Variants in FAM193A observed in about 807,000 individuals in gnomAD.
FAM193A encodes protein FAM193A.
In FAM193A, 22 loss-of-function variants were observed where a neutral mutation model predicts 126.5. The observed-to-expected ratio is 0.17, with a 90% confidence interval of 0.12 to 0.25. The LOEUF is 0.25. Among genes scored for constraint, FAM193A ranks in the 10% least tolerant of loss-of-function variants. The pLI is 1.00. For missense variants in FAM193A, 1,675 were observed against 1,672.8 expected, an observed-to-expected ratio of 1.00 and a Z score of -0.02; for synonymous variants, 761 against 646.8, an observed-to-expected ratio of 1.18 and a Z score of -2.68.
intron 20 of FAM193A, among the ~76,000 whole-genome samples, chr4:2,728,915 T>TC (rs1721065979): frequency 6.9e-6 from 1 of 145,620 alleles, no homozygotes; most frequent in South Asian, 2.2e-4. Context: ...TTTTTTTTTT[T>TC]TTTTTTTGGT....
chr4:2,710,168 T>TG (rs1718766821), intron 19 of FAM193A, among the ~76,000 whole-genome samples: 2 of 125,188 alleles, frequency 1.6e-5, no homozygotes, highest in South Asian at 2.3e-4. Flanking sequence ...TTTGTTTTTT[T>TG]TTTTTTTTCT....
chr4:2,681,413 C>G (rs374913862), intron 13 of FAM193A, among the ~76,000 whole-genome samples: 2 of 151,674 alleles, frequency 1.3e-5, no homozygotes, highest in South Asian at 4.1e-4. Context: ...TTTTCTAATT[C>G]ATTAAGATGT....
At chr4:2,731,095 CTG>C (rs1334611556) in intron 20 of FAM193A, among the ~76,000 whole-genome samples, 4 of 148,640 alleles carry the variant, frequency 2.7e-5, no homozygotes. Flanking sequence ...ACTTGGGAGG[CTG>C]AGGCAGGAGA....
chr4:2,572,087 C>T (rs1577023168), intron 1 of FAM193A, among the ~76,000 whole-genome samples: 2 of 150,960 alleles, frequency 1.3e-5, no homozygotes, highest in African/African-American at 4.9e-5. Context: ...ATCACTTGAA[C>T]CCAGGAGGCG....
intron 2 of FAM193A, among the ~76,000 whole-genome samples, chr4:2,610,173 A>C (rs1560479381): frequency 6.6e-6 from 1 of 152,132 alleles, no homozygotes; most frequent in Admixed American, 6.6e-5. Context: ...TGGAGGTTGC[A>C]GTGAGCCGAG....
chr4:2,555,838 G>A (rs935141734), intron 1 of FAM193A, among the ~76,000 whole-genome samples: 14 of 151,748 alleles, frequency 9.2e-5, no homozygotes, highest in Non-Finnish European at 1.6e-4. Context: ...GGGTGGTCTC[G>A]ATCTCCTGAC....
intron 5 of FAM193A, among the ~76,000 whole-genome samples, chr4:2,636,801 G>A (rs1744132123): frequency 1.3e-5 from 2 of 152,064 alleles, no homozygotes; most frequent in South Asian, 4.1e-4. Flanking sequence ...TGTTTTCTTT[G>A]AAGCAACATG....
At chr4:2,655,938 A>G (rs1379544118) in intron 7 of FAM193A, among the ~76,000 whole-genome samples, 3 of 152,182 alleles carry the variant, frequency 2.0e-5, no homozygotes, top group African/African-American at 4.8e-5. Context: ...CTCAAAGATA[A>G]TTTTATTTAC....
chr4:2,703,444 A>C (rs1717961531), intron 19 of FAM193A, among the ~76,000 whole-genome samples: 1 of 152,098 alleles, frequency 6.6e-6, no homozygotes, highest in Non-Finnish European at 1.5e-5. Context: ...ATGAGGTTTC[A>C]CCATGTTGGC....
intron 1 of FAM193A, among the ~76,000 whole-genome samples, chr4:2,583,276 G>C (rs1392964999): frequency 6.6e-6 from 1 of 152,204 alleles, no homozygotes; most frequent in Non-Finnish European, 1.5e-5. Flanking sequence ...GCCCGGCCAA[G>C]TCTCAGTTTT....
intron 19 of FAM193A, chr4:2,715,525 TG>T: frequency 8.1e-6 from 8 of 990,696 alleles, no homozygotes; most frequent in Non-Finnish European, 9.6e-6. Flanking sequence ...ACCACCTTCC[TG>T]TAGGGTTGAT....
At chr4:2,588,165 C>T (rs1217064318) in intron 1 of FAM193A, among the ~76,000 whole-genome samples, 1 of 151,976 alleles carries the variant, frequency 6.6e-6, no homozygotes, top group East Asian at 1.9e-4. Context: ...TCCTGGGCAC[C>T]CTGCTCCGCA....
chr4:2,661,233 A>C (rs888412054), intron 10 of FAM193A, among the ~76,000 whole-genome samples: 1 of 152,186 alleles, frequency 6.6e-6, no homozygotes, highest in African/African-American at 2.4e-5. Flanking sequence ...CTTGTGATCA[A>C]TGTCTTCCAA....
In FAM193A at chr4:2,676,904, G is replaced by C. The variant is rs564921874; in HGVS notation, c.2331+4532G>C. ...TGCAGTGAGCCGAGATCACGTCACTGCACTCCAGCTTGGGCGACAGAGCAA... is the reference window on the plus strand; with the variant it reads ...TGCAGTGAGCCGAGATCACGTCACTCCACTCCAGCTTGGGCGACAGAGCAA... On this transcript the variant is annotated intron_variant, in intron 13 of 20. Transcript: ENST00000637812. 9.6e-4 allele frequency among the ~76,000 whole-genome samples: 146 copies of C among 152,014 alleles called. 1 individual carries two copies. The highest frequency in any genetic ancestry group is 3.5e-3 in the African/African-American group (143 of 41,422).
intron 18 of FAM193A, among the ~76,000 whole-genome samples, chr4:2,697,353 CAAAA>C (rs375700021): frequency 3.3e-5 from 5 of 150,192 alleles, no homozygotes; most frequent in Non-Finnish European, 7.4e-5. Flanking sequence ...GAGACTGTCT[CAAAA>C]AAAAAGACAA....
chr4:2,664,567 T>TC (rs1480595108), intron 12 of FAM193A, among the ~76,000 whole-genome samples: 2 of 129,810 alleles, frequency 1.5e-5, no homozygotes, highest in African/African-American at 2.9e-5. Flanking sequence ...TCTTTTTTTT[T>TC]TTTTTTTTTT....
chr4:2,646,327 AC>A (rs1745139837), intron 6 of FAM193A, among the ~76,000 whole-genome samples: 1 of 151,248 alleles, frequency 6.6e-6, no homozygotes, highest in African/African-American at 2.4e-5. Context: ...CTGCCACCAC[AC>A]CCGGCTAATT....
chr4:2,689,406 C>T (rs1201011061), intron 13 of FAM193A, 100 bp from the exon 14 acceptor site: 18 of 827,192 alleles, frequency 2.2e-5, no homozygotes, highest in Non-Finnish European at 3.2e-5. Context: ...CGAGCACATC[C>T]CATGAGGCTC....
chr4:2,655,781 A>G (rs573051666), intron 7 of FAM193A, among the ~76,000 whole-genome samples: 1 of 152,124 alleles, frequency 6.6e-6, no homozygotes, highest in South Asian at 2.1e-4. Context: ...GGAAAAAAAA[A>G]TTAGCCAGGT....
Sources: gnomAD v4.1 joint callset for allele counts (sites outside exome capture counted in the v4.1 genomes callset) on GRCh38, gnomAD v4.1.1 for gene constraint, MANE v1.5 for transcripts, NCBI Gene and HGNC (gene_info 2026-07-23, HGNC 2026-07-21) for gene names.